Variants in BIRC6 observed in about 807,000 individuals in gnomAD.
The protein encoded by BIRC6 is baculoviral IAP repeat containing 6, also known as dual E2 ubiquitin-conjugating enzyme/E3 ubiquitin-protein ligase BIRC6.
Under a neutral mutation model 503.3 loss-of-function variants are expected in BIRC6, and 98 were observed. The ratio of observed to expected loss-of-function variants is 0.19; its 90% CI spans 0.17 to 0.23. The LOEUF (loss-of-function observed/expected upper bound fraction) is 0.23, where lower values mean the gene tolerates loss of function less well. BIRC6 is among the 10% of genes least tolerant of loss of function. The probability of loss-of-function intolerance (pLI) is 1.00; values close to 1 mark genes in which losing one functional copy is unlikely to be tolerated. For missense variants in BIRC6, 5,360 were observed against 5,806.0 expected, an observed-to-expected ratio of 0.92 and a Z score of 2.50; for synonymous variants, 2,240 against 2,078.7, an observed-to-expected ratio of 1.08 and a Z score of -2.11.
Position 32,473,202 on chromosome 2 carries a change from C to A in BIRC6, c.6683C>A (p.Ser2228Tyr). The change falls in exon 33 of 74, where the codon TCC becomes TAC. Residue 2228 changes from serine to tyrosine, a missense_variant. Ser to Tyr is a moderately radical substitution (Grantham distance 144). Coordinates refer to ENST00000421745, the MANE Select transcript of BIRC6 (RefSeq NM_016252.4). Reference sequence around the variant, plus strand: ...AGCAGTAGCCTTGATAGATTATATTCCAGAAAAATCAGAAAGCAGCTTGTT... The same window carrying A: ...AGCAGTAGCCTTGATAGATTATATTACAGAAAAATCAGAAAGCAGCTTGTT... ...KGSSSLDRLY[S>Y]RKIRKQLVHH... The A allele has an allele frequency of 6.4e-7, 1 of 1,553,482 alleles. No homozygotes were observed. Among genetic ancestry groups the A allele is most frequent in the East Asian group, 2.4e-5 (1 of 41,988 alleles).
chr2:32,594,987 T>A, intron 67 of BIRC6, 47 bp from the exon 68 acceptor site: 1 of 1,153,482 alleles, frequency 8.7e-7, no homozygotes, highest in Non-Finnish European at 1.2e-6. Context: ...TTTTAAAATA[T>A]ATACTTAAAA....
At chr2:32,614,421 T>A (rs2063097700) in intron 73 of BIRC6, among the ~76,000 whole-genome samples, 1 of 152,266 alleles carries the variant, frequency 6.6e-6, no homozygotes. Flanking sequence ...CTTGCTTATA[T>A]CCGCATTCCT....
chr2:32,495,004 C>T (rs145173018), intron 45 of BIRC6, among the ~76,000 whole-genome samples: 1 of 152,136 alleles, frequency 6.6e-6, no homozygotes, highest in South Asian at 2.1e-4. Context: ...TTTATACATA[C>T]TTTGTGAGGA....
intron 35 of BIRC6, 36 bp from the exon 36 acceptor site, chr2:32,478,599 C>G (rs777220110): frequency 1.3e-6 from 2 of 1,560,198 alleles, no homozygotes; most frequent in African/African-American, 1.4e-5. Context: ...CATGTAATTG[C>G]TATTTAAGTG....
chr2:32,410,513 C>T (rs1268515565), intron 9 of BIRC6, among the ~76,000 whole-genome samples: 1 of 151,878 alleles, frequency 6.6e-6, no homozygotes, highest in Non-Finnish European at 1.5e-5. Context: ...AAAATATTTC[C>T]GTTTTAGGGG....
In BIRC6 at chr2:32,396,786, C is replaced by T. The variant is rs561057295; in HGVS notation, c.1034+1193C>T. Reference sequence around the variant, plus strand: ...TTGCCCAGACTGGAGTGCAGTGGCGCGATCTCGGCTCACTGCAACCTCTAC... The same window carrying T: ...TTGCCCAGACTGGAGTGCAGTGGCGTGATCTCGGCTCACTGCAACCTCTAC... On this transcript the variant is annotated intron_variant, in intron 6 of 73. Coordinates refer to ENST00000421745, the MANE Select transcript of BIRC6 (RefSeq NM_016252.4). Among the ~76,000 whole-genome samples, 9 of 152,228 alleles carry T rather than the reference C, an allele frequency of 5.9e-5. No homozygotes were observed. In the South Asian group the frequency reaches 8.3e-4, roughly 14 times the overall value.
chr2:32,592,807 G>A (rs1022958524), intron 66 of BIRC6, among the ~76,000 whole-genome samples: 5 of 151,710 alleles, frequency 3.3e-5, no homozygotes, highest in African/African-American at 1.2e-4. Context: ...GTTGTTCAGG[G>A]TGGTCTCGAA....
chr2:32,394,444 GA>G (rs1485648450), intron 5 of BIRC6, among the ~76,000 whole-genome samples: 2 of 152,034 alleles, frequency 1.3e-5, no homozygotes, highest in Admixed American at 1.3e-4. Flanking sequence ...TATGTTGTAT[GA>G]ATTAGATTCC....
At chr2:32,610,770 C>G (rs917703027) in intron 72 of BIRC6, among the ~76,000 whole-genome samples, 2 of 152,080 alleles carry the variant, frequency 1.3e-5, no homozygotes, top group African/African-American at 4.8e-5. Flanking sequence ...CCCCTCCTCT[C>G]TTCTTTTCTT....
intron 21 of BIRC6, among the ~76,000 whole-genome samples, chr2:32,446,006 C>T (rs557143651): frequency 2.6e-5 from 4 of 151,892 alleles, no homozygotes; most frequent in Non-Finnish European, 4.4e-5. Flanking sequence ...TACAGGCATG[C>T]ACCACAGGCC....
At chr2:32,492,317 A>G (rs2051839051) in intron 44 of BIRC6, among the ~76,000 whole-genome samples, 1 of 152,130 alleles carries the variant, frequency 6.6e-6, no homozygotes. Context: ...TACCAAGATC[A>G]AATATCTGCC....
chr2:32,509,651 AAC>A, intron 51 of BIRC6, 85 bp from the exon 52 acceptor site: 1 of 1,468,962 alleles, frequency 6.8e-7, no homozygotes, highest in Non-Finnish European at 9.3e-7. Flanking sequence ...TATGAAACAC[AAC>A]ATGCTGATCT....
intron 54 of BIRC6, 50 bp downstream of exon 54, chr2:32,513,204 A>C: frequency 7.2e-7 from 1 of 1,391,852 alleles, no homozygotes; most frequent in Non-Finnish European, 1.0e-6. Flanking sequence ...TAGATCAGTT[A>C]GTGTTCACTT....
At position 32,584,063 on chromosome 2, in the gene BIRC6, T is replaced by C. The variant is rs143051572; in HGVS notation, c.13355+8697T>C. On this transcript the variant is annotated intron_variant, in intron 66 of 73. Coordinates refer to ENST00000421745, the MANE Select transcript of BIRC6 (RefSeq NM_016252.4). ...TTTCACTTAGACCATTCTTCTAATA[T>C]CATCTGTCACTTAAAACCTAAAGAA... Among the ~76,000 whole-genome samples, 21 of 152,186 alleles carry C rather than the reference T, an allele frequency of 1.4e-4. 1 individual carries two copies. Among genetic ancestry groups the C allele is most frequent in the African/African-American group, 4.8e-4 (20 of 41,526 alleles).
chr2:32,461,325 G>A (rs1420001513), intron 23 of BIRC6, among the ~76,000 whole-genome samples: 4 of 149,196 alleles, frequency 2.7e-5, no homozygotes, highest in Non-Finnish European at 4.4e-5. Context: ...TTGGAGGCTT[G>A]TGCCACCATG....
rs150685942 is a variant in BIRC6 at position 32,490,115 on chromosome 2, C to G, written c.8170C>G (p.His2724Asp). ...GCTCCGGACATGGTGCCTTGTGCTTCATAGCCTAACACTCATGACAAACAT... is the reference window on the plus strand; with the variant it reads ...GCTCCGGACATGGTGCCTTGTGCTTGATAGCCTAACACTCATGACAAACAT... Reference protein sequence around the residue: ...TLLRTWCLVLHSLTLMTNMQL... With the variant: ...TLLRTWCLVLDSLTLMTNMQL... Residue 2724 changes from histidine (H) to aspartate (D), a missense_variant, in exon 43 of 74, where the codon CAT (histidine) becomes GAT (aspartate). This residue lies in a region of BIRC6 where 2,299 missense variants were observed against 2,267.2 expected (regional missense o/e 1.01). Coordinates refer to ENST00000421745, the MANE Select transcript of BIRC6 (RefSeq NM_016252.4). The G allele has an allele frequency of 3.7e-6, 6 of 1,612,804 alleles. No individual in the cohort carries two copies. Among genetic ancestry groups the G allele is most frequent in the Non-Finnish European group, 5.1e-6 (6 of 1,178,822 alleles).
intron 51 of BIRC6, 147 bp downstream of exon 51, chr2:32,508,406 T>C: frequency 8.9e-7 from 1 of 1,120,010 alleles, no homozygotes; most frequent in Non-Finnish European, 1.2e-6. Flanking sequence ...TACAATTTTA[T>C]TAGGTGTAAT....
Position 32,481,376 on chromosome 2 carries a change from C to T in BIRC6, c.7465C>T (p.Gln2489Ter), listed in dbSNP as rs1483710983. 6.2e-7 allele frequency: 1 copy of T among 1,611,426 alleles called. No homozygotes were observed. Among genetic ancestry groups the T allele is most frequent in the Non-Finnish European group, 8.5e-7 (1 of 1,178,430 alleles). ...KDKEIDLELL[Q>*]DLMEVDIDPL... ...TAAAGAAATTGACCTTGAGTTACTTCAGGATCTAATGGAAGTTGACATTGA... is the reference window on the plus strand; with the variant it reads ...TAAAGAAATTGACCTTGAGTTACTTTAGGATCTAATGGAAGTTGACATTGA... Residue 2489 changes from glutamine to a stop codon, truncating the protein, a stop_gained, in exon 38 of 74, where the codon CAG (glutamine) becomes TAG (stop). Coordinates refer to ENST00000421745, the MANE Select transcript of BIRC6 (RefSeq NM_016252.4). LOFTEE classifies it high-confidence loss of function.
At chr2:32,532,019 G>A in intron 61 of BIRC6, 1 of 475,922 alleles carries the variant, frequency 2.1e-6, no homozygotes. Flanking sequence ...GTCAATGTCT[G>A]TGCTTTCCAT....
Sources: allele counts gnomAD v4.1 joint callset (sites outside exome capture counted in the v4.1 genomes callset), GRCh38; gene constraint gnomAD v4.1.1; regional missense constraint gnomAD v4.1.1; transcripts MANE v1.5; gene names NCBI Gene and HGNC (gene_info 2026-07-23, HGNC 2026-07-21).